Variants in CDH7 observed in about 807,000 individuals in gnomAD.
The protein encoded by CDH7 is cadherin-7.
A neutral mutation model predicts 71.8 loss-of-function variants in CDH7; 25 were observed. The observed-to-expected ratio is 0.35, with a 90% CI of 0.25 to 0.49. CDH7 has a LOEUF of 0.49. Ranked by LOEUF, CDH7 falls within the 20% of genes least tolerant of loss-of-function variation. CDH7 has a pLI of 0.99. For synonymous variants in CDH7, 381 were observed against 363.8 expected (o/e 1.05, Z -0.54); for missense variants, 862 against 974.6 (o/e 0.88, Z 1.54).
In CDH7 at chr18:65,863,119, C is replaced by T. The variant is rs1388390570; in HGVS notation, c.1864+202C>T. ...GTAGAATGATCTGGGCTCACTGCAG[C>T]CTCTGCCTCCCAGGTTCAAGCAATT... On this transcript the variant is annotated intron_variant, in intron 11 of 11. Coordinates refer to ENST00000397968, the MANE Select transcript of CDH7 (RefSeq NM_004361.5). 1.0e-5 allele frequency: 6 copies of T among 601,606 alleles called. No individual in the cohort carries two copies. The African/African-American group carries it at 1.1e-4, about 11-fold the overall frequency. The allele number at this position is 601,606 out of a possible 1,614,324, so 37.3% of individuals were successfully genotyped here.
At chr18:65,773,061 A>G (rs575335930) in intron 2 of CDH7, among the ~76,000 whole-genome samples, 2 of 152,102 alleles carry the variant, frequency 1.3e-5, no homozygotes, top group East Asian at 3.9e-4. Context: ...TCAGTTTTTT[A>G]CTTCACTTTT....
chr18:65,886,485 CA>C lies in CDH7; in HGVS notation c.*5592del, dbSNP rs1914377571. The C allele has an allele frequency of 6.6e-6, 1 of 151,988 alleles. No individual in the cohort carries two copies. The highest frequency in any genetic ancestry group is 1.5e-5 in the Non-Finnish European group (1 of 67,988). 9.4% of individuals were successfully genotyped at this position (151,988 alleles called of 1,614,324 possible). The stretch of plus-strand genomic sequence containing the variant: ...ACCATTCATATGAATTAATGATATC[CA>C]TATGTGAATGGGATTATAAATAAAG... On this transcript the variant is annotated 3_prime_UTR_variant, in exon 12 of 12. Transcript: ENST00000397968.
chr18:65,863,126 C>T (rs550284870), intron 11 of CDH7: 8 of 595,882 alleles, frequency 1.3e-5, no homozygotes, highest in Admixed American at 3.1e-5. Flanking sequence ...CAGCCTCTGC[C>T]TCCCAGGTTC....
chr18:65,833,083 G>T (rs1912409427), intron 6 of CDH7, among the ~76,000 whole-genome samples: 1 of 152,152 alleles, frequency 6.6e-6, no homozygotes, highest in South Asian at 2.1e-4. Context: ...TTCAAAATAT[G>T]CTCATATCCA....
chr18:65,786,690 CT>C (rs528419162), intron 2 of CDH7, among the ~76,000 whole-genome samples: 1 of 151,982 alleles, frequency 6.6e-6, no homozygotes. Context: ...CTCTCTTTCT[CT>C]TTTTTTCTTT....
chr18:65,793,264 C>T (rs1354582621), intron 2 of CDH7, among the ~76,000 whole-genome samples: 3 of 151,884 alleles, frequency 2.0e-5, no homozygotes, highest in Non-Finnish European at 4.4e-5. Flanking sequence ...GAAACCCTGT[C>T]TCTACAAAAA....
intron 6 of CDH7, among the ~76,000 whole-genome samples, chr18:65,827,443 ACTAT>A (rs764751242): frequency 2.6e-5 from 4 of 152,008 alleles, no homozygotes; most frequent in African/African-American, 7.2e-5. Context: ...AACCAAACAG[ACTAT>A]CTAGCTATCA....
At chr18:65,812,730 A>G (rs1273922497) in intron 3 of CDH7, among the ~76,000 whole-genome samples, 1 of 152,154 alleles carries the variant, frequency 6.6e-6, no homozygotes, top group African/African-American at 2.4e-5. Context: ...GTGTTAAATG[A>G]GATAATGAAC....
At chr18:65,878,411 A>G (rs1393944003) in intron 11 of CDH7, among the ~76,000 whole-genome samples, 1 of 152,196 alleles carries the variant, frequency 6.6e-6, no homozygotes, top group Admixed American at 6.5e-5. Flanking sequence ...TTGTTCCAAC[A>G]TCACACAGCT....
intron 6 of CDH7, among the ~76,000 whole-genome samples, chr18:65,831,103 T>C (rs1912333931): frequency 6.6e-6 from 1 of 152,180 alleles, no homozygotes; most frequent in Non-Finnish European, 1.5e-5. Context: ...ATAATTATGA[T>C]AGAATGATGA....
intron 7 of CDH7, among the ~76,000 whole-genome samples, chr18:65,853,378 T>C (rs1288465935): frequency 8.2e-6 from 1 of 122,598 alleles, no homozygotes; most frequent in Non-Finnish European, 1.8e-5. Flanking sequence ...TTAGGGCCTT[T>C]CTTCTCTTGG....
At chr18:65,859,931 C>A in intron 10 of CDH7, 106 bp downstream of exon 10, 2 of 682,838 alleles carry the variant, frequency 2.9e-6, no homozygotes, top group Admixed American at 2.2e-5. Context: ...AAAGCAAGGA[C>A]AATAATTAAA....
chr18:65,772,295 G>T (rs191442872), intron 2 of CDH7, among the ~76,000 whole-genome samples: 4 of 152,126 alleles, frequency 2.6e-5, no homozygotes, highest in African/African-American at 7.2e-5. Flanking sequence ...TACACATTCC[G>T]CACTTGATTC....
Position 65,886,728 on chromosome 18 carries a change from A to C in CDH7, c.*5834A>C, listed in dbSNP as rs546677249. On this transcript the variant is annotated 3_prime_UTR_variant, in exon 12 of 12. Coordinates refer to ENST00000397968, the MANE Select transcript of CDH7 (RefSeq NM_004361.5). The stretch of plus-strand genomic sequence containing the variant: ...AAGTCACAGTGACATATGTGTAATT[A>C]ATAATTTATACACTTGAAAAAATTA... 1 of 152,276 alleles carries C rather than the reference A, an allele frequency of 6.6e-6. No individual in the cohort carries two copies. The highest frequency in any genetic ancestry group is 2.4e-5 in the African/African-American group (1 of 41,564). 9.4% of individuals were successfully genotyped at this position (152,276 alleles called of 1,614,324 possible).
chr18:65,776,346 T>G (rs369261624), intron 2 of CDH7, among the ~76,000 whole-genome samples: 1 of 123,428 alleles, frequency 8.1e-6, no homozygotes, highest in East Asian at 2.2e-4. Context: ...AATCACACAT[T>G]TGAAGAAAGT....
chr18:65,782,064 T>C (rs1568182325), intron 2 of CDH7, among the ~76,000 whole-genome samples: 9 of 49,802 alleles, frequency 1.8e-4, no homozygotes, highest in African/African-American at 5.4e-4. Flanking sequence ...CTTCCTTCCT[T>C]TCTTTCTTTC....
intron 2 of CDH7, among the ~76,000 whole-genome samples, chr18:65,789,139 G>A (rs929035307): frequency 6.6e-6 from 1 of 152,180 alleles, no homozygotes; most frequent in African/African-American, 2.4e-5. Context: ...TATCAGTGTT[G>A]TTTGCTGGTG....
At chr18:65,799,910 T>TA (rs1212590856) in intron 2 of CDH7, among the ~76,000 whole-genome samples, 2 of 152,198 alleles carry the variant, frequency 1.3e-5, no homozygotes, top group Non-Finnish European at 2.9e-5. Context: ...ATAGCCACTA[T>TA]AAAAAATATA....
intron 1 of CDH7, among the ~76,000 whole-genome samples, chr18:65,759,642 A>T (rs1046805220): frequency 6.6e-6 from 1 of 152,196 alleles, no homozygotes; most frequent in African/African-American, 2.4e-5. Flanking sequence ...AAAAAGTAGA[A>T]AAGTAAGACC....
Sources: gnomAD v4.1 joint callset for allele counts (sites outside exome capture counted in the v4.1 genomes callset) on GRCh38, gnomAD v4.1.1 for gene constraint, MANE v1.5 for transcripts, NCBI Gene and HGNC (gene_info 2026-07-23, HGNC 2026-07-21) for gene names.